BCL2L11: variants seen among roughly 807,000 people sequenced by gnomAD.
The protein encoded by BCL2L11 is bcl-2-like protein 11.
Under a neutral mutation model 20.6 loss-of-function variants are expected in BCL2L11, and 15 were observed. That is an observed-to-expected ratio of 0.73 (90% confidence interval 0.49 to 1.12). The LOEUF (loss-of-function observed/expected upper bound fraction) is 1.12, where lower values mean the gene tolerates loss of function less well. Ranked by LOEUF, BCL2L11 falls within the 50% of genes most tolerant of loss-of-function variation. The probability of loss-of-function intolerance (pLI) is 0.00; values close to 1 mark genes in which losing one functional copy is unlikely to be tolerated. For missense variants in BCL2L11, 292 were observed against 260.9 expected (o/e 1.12, Z -0.82); for synonymous variants, 108 against 92.8 (o/e 1.16, Z -0.94).
At chr2:111,133,813 A>G (rs1412635916) in intron 2 of BCL2L11, among the ~76,000 whole-genome samples, 1 of 152,130 alleles carries the variant, frequency 6.6e-6, no homozygotes, top group Admixed American at 6.5e-5. Context: ...TCAGTTGCTG[A>G]GAATGTGGTG....
rs985165683 is a variant in BCL2L11, at chr2:111,165,052, A to G, written c.*821A>G. The G allele has an allele frequency of 1.3e-5, 2 of 152,268 alleles. No homozygotes were observed. Among genetic ancestry groups the G allele is most frequent in the African/African-American group, 4.8e-5 (2 of 41,474 alleles). 9.4% of individuals were successfully genotyped at this position (152,268 alleles called of 1,614,324 possible). The stretch of plus-strand genomic sequence containing the variant: ...TGATAAAGTGAAATTGAGTCAGAAC[A>G]AGAGTTAATATCTGCCTGTATCTTG... On this transcript the variant is annotated 3_prime_UTR_variant, in exon 4 of 4. Coordinates refer to ENST00000393256, the MANE Select transcript of BCL2L11 (RefSeq NM_138621.5).
intron 2 of BCL2L11, among the ~76,000 whole-genome samples, chr2:111,149,581 A>G (rs536698819): frequency 6.6e-6 from 1 of 152,282 alleles, no homozygotes; most frequent in South Asian, 2.1e-4. Context: ...TTTGAATGGG[A>G]CAGCCATTTC....
intron 2 of BCL2L11, among the ~76,000 whole-genome samples, chr2:111,131,003 T>G (rs2073837577): frequency 6.6e-6 from 1 of 152,122 alleles, no homozygotes; most frequent in Non-Finnish European, 1.5e-5. Flanking sequence ...CTGGATTGAA[T>G]TTGTCGATAT....
chr2:111,130,056 A>G (rs1340260306), intron 2 of BCL2L11: 3 of 363,534 alleles, frequency 8.3e-6, no homozygotes, highest in African/African-American at 2.3e-5. Context: ...AGGCCCTGGC[A>G]CAGCTGGAAC....
At chr2:111,150,208 T>G (rs1471874727) in intron 3 of BCL2L11, 61 bp downstream of exon 3, 2 of 1,571,182 alleles carry the variant, frequency 1.3e-6, no homozygotes, top group Non-Finnish European at 1.7e-6. Context: ...ACTATATTTT[T>G]TTAAAAAGAC....
intron 3 of BCL2L11, among the ~76,000 whole-genome samples, chr2:111,158,745 A>C (rs1449417250): frequency 6.6e-6 from 1 of 152,130 alleles, no homozygotes; most frequent in Non-Finnish European, 1.5e-5. Flanking sequence ...ATGACAATGA[A>C]ATTGTCGTTT....
chr2:111,152,752 T>A (rs1416397989), intron 3 of BCL2L11, among the ~76,000 whole-genome samples: 2 of 152,224 alleles, frequency 1.3e-5, no homozygotes, highest in African/African-American at 4.8e-5. Context: ...ATAGCCTGCC[T>A]CCCCTCCTCT....
In BCL2L11 at chr2:111,130,166, G is replaced by A. The variant is rs577530240; in HGVS notation, c.394+6027G>A. The A allele has an allele frequency of 1.7e-4, 61 of 359,262 alleles. No individual in the cohort carries two copies. In the East Asian group the frequency reaches 6.3e-3, roughly 37 times the overall value. The allele number at this position is 359,262 out of a possible 1,614,324, so 22.3% of individuals were successfully genotyped here. A position where few individuals can be genotyped will look rare whatever the true frequency, so the allele number is the denominator to read the frequency against. On this transcript the variant is annotated intron_variant, in intron 2 of 3. Transcript: ENST00000393256. ...GTCACCCAGGCTGGAGTGCACTGGT[G>A]CGATCTTGGCTCACTGCAACCTCCA... is the stretch of plus-strand genomic sequence containing the variant.
intron 2 of BCL2L11, among the ~76,000 whole-genome samples, chr2:111,127,406 A>T (rs1464906569): frequency 2.7e-5 from 4 of 148,696 alleles, no homozygotes; most frequent in Non-Finnish European, 6.0e-5. Context: ...CACAGATGGG[A>T]GTTAATGGCT....
chr2:111,149,293 G>A (rs753316489), intron 2 of BCL2L11, among the ~76,000 whole-genome samples: 3 of 152,208 alleles, frequency 2.0e-5, no homozygotes, highest in Non-Finnish European at 4.4e-5. Flanking sequence ...TGTACTGGGT[G>A]TGAATGTTAG....
At chr2:111,123,537 T>A in intron 1 of BCL2L11, 196 bp from the exon 2 acceptor site, 2 of 984,474 alleles carry the variant, frequency 2.0e-6, no homozygotes, top group Non-Finnish European at 1.2e-6. Context: ...TGTTTGGGGG[T>A]ACCCTCTACC....
At chr2:111,146,423 A>G (rs1472276696) in intron 2 of BCL2L11, 1 of 243,004 alleles carries the variant, frequency 4.1e-6, no homozygotes, top group East Asian at 1.8e-4. Context: ...TTAGGATAGG[A>G]GGAATTGGGT....
intron 3 of BCL2L11, among the ~76,000 whole-genome samples, chr2:111,156,692 C>G (rs550162363): frequency 2.0e-5 from 3 of 152,110 alleles, no homozygotes; most frequent in African/African-American, 7.2e-5. Flanking sequence ...ACACGACTCA[C>G]AGAGAAGTGT....
At chr2:111,154,611 C>G (rs535928614) in intron 3 of BCL2L11, among the ~76,000 whole-genome samples, 49 of 152,296 alleles carry the variant, frequency 3.2e-4, no homozygotes, top group Non-Finnish European at 6.2e-4. Context: ...GGTGATGTGT[C>G]AGTGTGGCAC....
chr2:111,149,454 C>A (rs2076981270), intron 2 of BCL2L11, among the ~76,000 whole-genome samples: 1 of 152,186 alleles, frequency 6.6e-6, no homozygotes, highest in Non-Finnish European at 1.5e-5. Context: ...ACAAAACATG[C>A]AATTATGCTT....
intron 2 of BCL2L11, chr2:111,142,162 A>C (rs752970855): frequency 1.4e-6 from 1 of 691,750 alleles, no homozygotes; most frequent in Non-Finnish European, 2.5e-6. Context: ...ACCAGAACAC[A>C]GTCTTTCAGC....
intron 2 of BCL2L11, among the ~76,000 whole-genome samples, chr2:111,125,296 G>A (rs897029030): frequency 5.3e-5 from 8 of 152,192 alleles, no homozygotes; most frequent in Non-Finnish European, 1.0e-4. Context: ...GTGACTTTGG[G>A]TACATACTTT....
At chr2:111,151,875 C>T in intron 3 of BCL2L11, 1 of 1,549,152 alleles carries the variant, frequency 6.5e-7, no homozygotes, top group Non-Finnish European at 8.7e-7. Context: ...ACAGAACATT[C>T]CAGCCTAGAT....
At chr2:111,162,928 TA>T (rs1198163102) in intron 3 of BCL2L11, 1 of 152,192 alleles carries the variant, frequency 6.6e-6, no homozygotes, top group Non-Finnish European at 1.5e-5. Flanking sequence ...ATCTTGTGTG[TA>T]AAACAGATAA....
Sources: allele counts gnomAD v4.1 joint callset (sites outside exome capture counted in the v4.1 genomes callset), GRCh38; gene constraint gnomAD v4.1.1; transcripts MANE v1.5; gene names NCBI Gene and HGNC (gene_info 2026-07-23, HGNC 2026-07-21).